WDR70: variants seen among roughly 807,000 people sequenced by gnomAD.
The protein encoded by WDR70 is WD repeat-containing protein 70.
A neutral mutation model predicts 88.6 loss-of-function variants in WDR70; 53 were observed. The observed-to-expected ratio is 0.60, with a 90% CI of 0.48 to 0.75. WDR70 has a LOEUF of 0.75. Among genes scored for constraint, WDR70 ranks in the 30% least tolerant of loss-of-function variants. The probability of loss-of-function intolerance (pLI) is 0.00; values close to 1 mark genes in which losing one functional copy is unlikely to be tolerated. For missense variants in WDR70, 610 were observed against 823.2 expected, an observed-to-expected ratio of 0.74 and a Z score of 3.17; for synonymous variants, 280 against 270.0, an observed-to-expected ratio of 1.04 and a Z score of -0.36.
intron 9 of WDR70, among the ~76,000 whole-genome samples, chr5:37,521,526 A>G (rs990370489): frequency 4.6e-5 from 7 of 152,110 alleles, no homozygotes; most frequent in African/African-American, 1.4e-4. Context: ...AGTCCAATGT[A>G]TCATTCTTAT....
chr5:37,708,432 A>C (rs1321455197), intron 13 of WDR70, among the ~76,000 whole-genome samples: 2 of 152,014 alleles, frequency 1.3e-5, no homozygotes, highest in Non-Finnish European at 2.9e-5. Flanking sequence ...TATACATAAC[A>C]TTGTATATGT....
chr5:37,524,450 A>G (rs1323470082), intron 9 of WDR70, among the ~76,000 whole-genome samples: 1 of 152,202 alleles, frequency 6.6e-6, no homozygotes, highest in Non-Finnish European at 1.5e-5. Context: ...TGTCACCACC[A>G]GGCCTGCCCT....
At chr5:37,646,191 T>C (rs1437097515) in intron 10 of WDR70, among the ~76,000 whole-genome samples, 1 of 152,132 alleles carries the variant, frequency 6.6e-6, no homozygotes, top group Non-Finnish European at 1.5e-5. Flanking sequence ...TATAACCCAT[T>C]ATTTAAACTG....
chr5:37,752,615 T>A lies in WDR70; in HGVS notation c.*42T>A. 3 of 1,419,146 alleles carry A rather than the reference T, an allele frequency of 2.1e-6. No individual in the cohort carries two copies. The highest frequency in any genetic ancestry group is 2.9e-6 in the Non-Finnish European group (3 of 1,026,136). 87.9% of individuals were successfully genotyped at this position (1,419,146 alleles called of 1,614,324 possible). A position where few individuals can be genotyped will look rare whatever the true frequency, so the allele number is the denominator to read the frequency against. ...GCTGTTTGCATGAGTGGGAGGGGTA[T>A]GGGACAGGTTTGGGTTTTTTTTTTA... On this transcript the variant is annotated 3_prime_UTR_variant, in exon 18 of 18. Coordinates refer to ENST00000265107, the MANE Select transcript of WDR70 (RefSeq NM_018034.4).
chr5:37,738,148 A>G (rs1338244638), intron 17 of WDR70, among the ~76,000 whole-genome samples: 1 of 152,152 alleles, frequency 6.6e-6, no homozygotes, highest in African/African-American at 2.4e-5. Flanking sequence ...TAATTCTGCA[A>G]TTGTGATGAC....
chr5:37,642,130 C>T (rs6451331), intron 10 of WDR70, among the ~76,000 whole-genome samples: 87,212 of 151,976 alleles, frequency 0.57, 25,213 homozygotes, highest in African/African-American at 0.61. Context: ...AGTGTTTCTT[C>T]TGAGATCAGC....
chr5:37,561,885 A>G lies in WDR70; in HGVS notation c.918-43179A>G, dbSNP rs1742516971. 2.0e-5 allele frequency among the ~76,000 whole-genome samples: 3 copies of G among 152,200 alleles called. 1 individual carries two copies. The South Asian group carries it at 6.2e-4, about 31-fold the overall frequency. On this transcript the variant is annotated intron_variant, in intron 9 of 17. Coordinates refer to ENST00000265107, the MANE Select transcript of WDR70 (RefSeq NM_018034.4). ...TTTCATGTGTTATTGTGGAAAAGGA[A>G]GAAAGAACTTGTGGATTTAGAGAAT... is the stretch of plus-strand genomic sequence containing the variant.
chr5:37,608,876 C>T (rs1388043042), intron 10 of WDR70, among the ~76,000 whole-genome samples: 1 of 152,086 alleles, frequency 6.6e-6, no homozygotes, highest in Non-Finnish European at 1.5e-5. Context: ...TTGGCTGTTT[C>T]CTTCTAGTAG....
chr5:37,493,526 G>A (rs1740128748), intron 8 of WDR70, among the ~76,000 whole-genome samples: 1 of 152,152 alleles, frequency 6.6e-6, no homozygotes, highest in African/African-American at 2.4e-5. Flanking sequence ...CTTAGAAGCA[G>A]ATTATTTCCC....
intron 10 of WDR70, among the ~76,000 whole-genome samples, chr5:37,681,392 C>T (rs964960790): frequency 7.2e-5 from 11 of 152,150 alleles, no homozygotes; most frequent in African/African-American, 2.7e-4. Flanking sequence ...AAATTGACTT[C>T]TTCTCTTCCT....
intron 9 of WDR70, among the ~76,000 whole-genome samples, chr5:37,557,957 A>ATTCTTTTGAAAACTC (rs1742357092): frequency 7.2e-6 from 1 of 139,252 alleles, no homozygotes; most frequent in Non-Finnish European, 1.6e-5. Context: ...TCAAAAGAGT[A>ATTCTTTTGAAAACTC]TTATGTATAT....
chr5:37,741,321 T>A (rs944742252), intron 17 of WDR70, among the ~76,000 whole-genome samples: 7 of 151,870 alleles, frequency 4.6e-5, no homozygotes, highest in African/African-American at 1.7e-4. Context: ...TAACCATTTA[T>A]AAGTATATAG....
chr5:37,449,477 G>C (rs1006254824), intron 7 of WDR70, among the ~76,000 whole-genome samples: 5 of 151,722 alleles, frequency 3.3e-5, no homozygotes, highest in African/African-American at 1.2e-4. Flanking sequence ...CTGTAATCCT[G>C]GTTACTTCAG....
At chr5:37,462,627 G>A (rs1472164838) in intron 7 of WDR70, among the ~76,000 whole-genome samples, 2 of 152,070 alleles carry the variant, frequency 1.3e-5, no homozygotes, top group South Asian at 2.1e-4. Context: ...TAAGTCTTGA[G>A]TATTTTGGTT....
At chr5:37,648,041 A>G (rs1186243775) in intron 10 of WDR70, among the ~76,000 whole-genome samples, 1 of 152,138 alleles carries the variant, frequency 6.6e-6, no homozygotes, top group African/African-American at 2.4e-5. Context: ...TTGAGATGAG[A>G]TTTGGGTGTG....
At chr5:37,602,933 C>T (rs1035337505) in intron 9 of WDR70, among the ~76,000 whole-genome samples, 12 of 151,756 alleles carry the variant, frequency 7.9e-5, no homozygotes, top group African/African-American at 2.4e-4. Flanking sequence ...GCCGAGATTG[C>T]GCCACGGCAC....
At chr5:37,565,645 A>G (rs1046873930) in intron 9 of WDR70, among the ~76,000 whole-genome samples, 1 of 152,146 alleles carries the variant, frequency 6.6e-6, no homozygotes, top group Non-Finnish European at 1.5e-5. Flanking sequence ...AATTCCCAGG[A>G]AAACAGGTGT....
chr5:37,606,425 TG>T (rs1194101958), intron 10 of WDR70, among the ~76,000 whole-genome samples: 1 of 152,186 alleles, frequency 6.6e-6, no homozygotes, highest in Non-Finnish European at 1.5e-5. Flanking sequence ...CATCTCTGGG[TG>T]CTGTTAACTT....
chr5:37,381,977 C>T lies in WDR70; in HGVS notation c.175+292C>T, dbSNP rs571767717. Among the ~76,000 whole-genome samples the T allele has an allele frequency of 9.5e-5, 14 of 148,050 alleles. No homozygotes were observed. The South Asian group carries it at 1.3e-3, about 14-fold the overall frequency. On this transcript the variant is annotated intron_variant, in intron 3 of 17. Transcript: ENST00000265107. ...CTGAGGCAGTGGCTTCAGTTGAAGT[C>T]GGGAGGCAGAGGTTGCAGTGAGCTG... is the stretch of plus-strand genomic sequence containing the variant.
Sources: gnomAD v4.1 joint callset for allele counts (sites outside exome capture counted in the v4.1 genomes callset) on GRCh38, gnomAD v4.1.1 for gene constraint, MANE v1.5 for transcripts, NCBI Gene and HGNC (gene_info 2026-07-23, HGNC 2026-07-21) for gene names.